Variants in LRP1B observed in about 807,000 individuals in gnomAD.
LRP1B encodes LDL receptor related protein 1B.
A neutral mutation model predicts 556.6 loss-of-function variants in LRP1B; 217 were observed. The ratio of observed to expected loss-of-function variants is 0.39; its 90% CI spans 0.35 to 0.44. The LOEUF is 0.44. Ranked by LOEUF, LRP1B falls within the 20% of genes least tolerant of loss-of-function variation. The pLI, the probability that LRP1B is intolerant of heterozygous loss-of-function variation, is 1.00. For missense variants in LRP1B, 5,053 were observed against 5,620.8 expected (o/e 0.90, Z 3.23); for synonymous variants, 2,047 against 1,865.8 (o/e 1.10, Z -2.50).
chr2:141,942,905 G>A (rs1038197915), intron 1 of LRP1B, among the ~76,000 whole-genome samples: 4 of 152,134 alleles, frequency 2.6e-5, no homozygotes, highest in African/African-American at 9.7e-5. Context: ...GGAACATGGG[G>A]TTTTTGGTAT....
At chr2:141,930,966 A>T (rs1465302802) in intron 1 of LRP1B, among the ~76,000 whole-genome samples, 1 of 152,064 alleles carries the variant, frequency 6.6e-6, no homozygotes, top group South Asian at 2.1e-4. Flanking sequence ...TAGAGACTTC[A>T]TGCTCTTTCA....
chr2:142,073,575 C>T (rs1373805054), intron 1 of LRP1B, among the ~76,000 whole-genome samples: 2 of 151,982 alleles, frequency 1.3e-5, no homozygotes, highest in African/African-American at 4.8e-5. Flanking sequence ...TACTCATATT[C>T]ATCTCTGACC....
intron 20 of LRP1B, among the ~76,000 whole-genome samples, chr2:140,929,454 T>C (rs1034887989): frequency 7.9e-5 from 12 of 152,018 alleles, no homozygotes; most frequent in Non-Finnish European, 1.2e-4. Flanking sequence ...TTTTGTGTAA[T>C]GTGTGAGCAG....
intron 7 of LRP1B, among the ~76,000 whole-genome samples, chr2:141,136,049 A>T (rs1701484228): frequency 6.6e-6 from 1 of 151,938 alleles, no homozygotes; most frequent in Non-Finnish European, 1.5e-5. Context: ...GATAAATAGA[A>T]AGTTAAGACC....
At chr2:141,553,927 TA>T (rs1685856807) in intron 2 of LRP1B, among the ~76,000 whole-genome samples, 1 of 137,614 alleles carries the variant, frequency 7.3e-6, no homozygotes, top group Non-Finnish European at 1.5e-5. Context: ...ATATCTATAT[TA>T]ATATAGTTAT....
At chr2:141,477,442 C>T (rs991162560) in intron 3 of LRP1B, among the ~76,000 whole-genome samples, 4 of 152,036 alleles carry the variant, frequency 2.6e-5, no homozygotes, top group African/African-American at 9.7e-5. Context: ...CTCCAGGAAA[C>T]AATGTTTCAT....
intron 18 of LRP1B, among the ~76,000 whole-genome samples, chr2:140,980,084 C>T (rs908196777): frequency 1.3e-5 from 2 of 151,700 alleles, no homozygotes; most frequent in African/African-American, 2.4e-5. Flanking sequence ...AGAAACAGGT[C>T]TTGCCCTAGG....
At chr2:140,388,992 C>T (rs1020658994) in intron 66 of LRP1B, among the ~76,000 whole-genome samples, 1 of 152,042 alleles carries the variant, frequency 6.6e-6, no homozygotes, top group Non-Finnish European at 1.5e-5. Flanking sequence ...TATATATTTC[C>T]ATGTTATATT....
chr2:142,009,519 G>A (rs762983973), intron 1 of LRP1B, among the ~76,000 whole-genome samples: 7 of 152,066 alleles, frequency 4.6e-5, no homozygotes, highest in Non-Finnish European at 7.3e-5. Context: ...ATTTTTGCAC[G>A]TGTTGTATGG....
chr2:141,348,370 A>G (rs1688326680), intron 3 of LRP1B, among the ~76,000 whole-genome samples: 1 of 152,124 alleles, frequency 6.6e-6, no homozygotes, highest in African/African-American at 2.4e-5. Flanking sequence ...TTTTCTAAGC[A>G]CAAAATGATG....
At chr2:140,554,227 G>A (rs887335081) in intron 43 of LRP1B, among the ~76,000 whole-genome samples, 9 of 152,018 alleles carry the variant, frequency 5.9e-5, no homozygotes, top group African/African-American at 9.7e-5. Context: ...GTCACCCAGA[G>A]GACTCATGAG....
chr2:142,034,039 C>G (rs12617190), intron 1 of LRP1B, among the ~76,000 whole-genome samples: 12,771 of 151,714 alleles, frequency 0.084, 1,220 homozygotes, highest in African/African-American at 0.23. Flanking sequence ...TTGGAGTCAT[C>G]TCCACCTCAT....
chr2:141,492,462 C>G (rs922426097), intron 2 of LRP1B, among the ~76,000 whole-genome samples: 1 of 152,076 alleles, frequency 6.6e-6, no homozygotes, highest in Non-Finnish European at 1.5e-5. Context: ...TATATGCAGA[C>G]AATGTGTAGA....
rs1682672451 is a variant in LRP1B, at chr2:140,601,542, G to C, written c.6897C>G (p.Asp2299Glu). ...TTSSITRHTV[D>E]QTRPGAFDRE... ...TGTCAAATGCTCCAGGCCGAGTCTG[G>C]TCCACAGTGTGTCTGGTGATGGATG... Residue 2299 changes from aspartate to glutamate, a missense_variant, in exon 42 of 91, where the codon GAC becomes GAG. By Grantham distance (45) the Asp-to-Glu change is conservative. Around this residue, in one of 5 missense-constraint regions of LRP1B, gnomAD observed 3,619 missense variants for 3,931.9 expected, o/e 0.92. Coordinates refer to ENST00000389484, the MANE Select transcript of LRP1B (RefSeq NM_018557.3). 2 of 1,613,236 alleles carry C rather than the reference G, an allele frequency of 1.2e-6. No homozygotes were observed. The highest frequency in any genetic ancestry group is 1.7e-6 in the Non-Finnish European group (2 of 1,179,522).
At chr2:141,218,938 G>C (rs762805043) in intron 6 of LRP1B, among the ~76,000 whole-genome samples, 3 of 152,218 alleles carry the variant, frequency 2.0e-5, no homozygotes, top group Non-Finnish European at 2.9e-5. Context: ...GACCCACACA[G>C]AGTGAGGAAA....
intron 2 of LRP1B, among the ~76,000 whole-genome samples, chr2:141,744,085 T>A (rs1349937494): frequency 6.6e-6 from 1 of 152,038 alleles, no homozygotes; most frequent in Non-Finnish European, 1.5e-5. Flanking sequence ...TGCCTCATTA[T>A]TTATTTGGAG....
At chr2:141,425,794 G>A (rs1339961915) in intron 3 of LRP1B, among the ~76,000 whole-genome samples, 2 of 149,734 alleles carry the variant, frequency 1.3e-5, no homozygotes, top group Non-Finnish European at 3.0e-5. Context: ...AAATTTGTTT[G>A]AGTTCATTGT....
In LRP1B at chr2:141,767,688, T is replaced by C. The variant is rs933206002; in HGVS notation, c.205+42591A>G. The stretch of plus-strand genomic sequence containing the variant: ...TGGATAACAGTGTGAGTTCAATATA[T>C]GGACAGGCAAGTCTGACATTAAACT... On this transcript the variant is annotated intron_variant, in intron 2 of 90. Coordinates refer to ENST00000389484, the MANE Select transcript of LRP1B (RefSeq NM_018557.3). Among the ~76,000 whole-genome samples, 4 of 152,160 alleles carry C rather than the reference T, an allele frequency of 2.6e-5. No homozygotes were observed. In the East Asian group the frequency reaches 7.7e-4, roughly 29 times the overall value.
At chr2:141,147,981 T>C (rs962092603) in intron 7 of LRP1B, among the ~76,000 whole-genome samples, 2 of 152,222 alleles carry the variant, frequency 1.3e-5, no homozygotes, top group African/African-American at 4.8e-5. Context: ...AGTTATGTCA[T>C]ATAGCCTAGC....
Sources: gnomAD v4.1 joint callset for allele counts (sites outside exome capture counted in the v4.1 genomes callset) on GRCh38, gnomAD v4.1.1 for gene constraint, gnomAD v4.1.1 regional missense constraint, MANE v1.5 for transcripts, NCBI Gene and HGNC (gene_info 2026-07-23, HGNC 2026-07-21) for gene names.